HS6ST3: variants seen among roughly 807,000 people sequenced by gnomAD.
HS6ST3 encodes heparan sulfate 6-O-sulfotransferase 3, also known as heparan-sulfate 6-O-sulfotransferase 3.
HS6ST3 carries 12 observed loss-of-function variants against 36.7 expected under a neutral mutation model. The ratio of observed to expected loss-of-function variants is 0.33; its 90% CI spans 0.21 to 0.53. The LOEUF (loss-of-function observed/expected upper bound fraction) is 0.53. Among genes scored for constraint, HS6ST3 ranks in the 20% least tolerant of loss-of-function variants. The probability of loss-of-function intolerance (pLI) is 0.95; values close to 1 mark genes in which losing one functional copy is unlikely to be tolerated. For missense variants in HS6ST3, 584 were observed against 640.9 expected (o/e 0.91, Z 0.96); for synonymous variants, 240 against 257.5 (o/e 0.93, Z 0.65).
At chr13:96,099,191 G>A (rs971413049) in intron 1 of HS6ST3, among the ~76,000 whole-genome samples, 1 of 152,106 alleles carries the variant, frequency 6.6e-6, no homozygotes, top group Non-Finnish European at 1.5e-5. Flanking sequence ...TGATCTGCCT[G>A]TCTGCCTCCC....
intron 1 of HS6ST3, among the ~76,000 whole-genome samples, chr13:96,438,519 T>C (rs957758094): frequency 6.6e-6 from 1 of 152,196 alleles, no homozygotes; most frequent in African/African-American, 2.4e-5. Flanking sequence ...GGCTCTTATT[T>C]GATCCACTGT....
intron 1 of HS6ST3, among the ~76,000 whole-genome samples, chr13:96,184,859 A>G (rs2054257971): frequency 6.6e-6 from 1 of 152,082 alleles, no homozygotes. Context: ...GGGGAATACA[A>G]ATTCCACGAG....
intron 1 of HS6ST3, among the ~76,000 whole-genome samples, chr13:96,362,160 A>C (rs1485165739): frequency 2.6e-5 from 4 of 152,218 alleles, no homozygotes; most frequent in African/African-American, 9.7e-5. Flanking sequence ...CATTCTGGTC[A>C]AGGAAGATTT....
chr13:96,812,946 A>G (rs1878348957), intron 1 of HS6ST3, among the ~76,000 whole-genome samples: 1 of 152,142 alleles, frequency 6.6e-6, no homozygotes, highest in African/African-American at 2.4e-5. Context: ...TCAGCTTCCT[A>G]TCATGAGAGC....
chr13:96,231,732 G>A (rs1253754757), intron 1 of HS6ST3, among the ~76,000 whole-genome samples: 1 of 152,154 alleles, frequency 6.6e-6, no homozygotes. Context: ...TAGCAAGAAA[G>A]TAGGACGTTT....
At chr13:96,284,068 C>T (rs923989767) in intron 1 of HS6ST3, among the ~76,000 whole-genome samples, 2 of 152,016 alleles carry the variant, frequency 1.3e-5, no homozygotes, top group South Asian at 4.2e-4. Context: ...ATGGAGATTC[C>T]GAAAAGAATT....
chr13:96,676,364 G>C (rs2056698875), intron 1 of HS6ST3, among the ~76,000 whole-genome samples: 2 of 152,078 alleles, frequency 1.3e-5, no homozygotes, highest in African/African-American at 4.8e-5. Context: ...AAGACATTAT[G>C]TAACCCCTAA....
At chr13:96,422,446 TC>T (rs1344040313) in intron 1 of HS6ST3, among the ~76,000 whole-genome samples, 1 of 152,190 alleles carries the variant, frequency 6.6e-6, no homozygotes, top group Non-Finnish European at 1.5e-5. Flanking sequence ...TGGTAGAAGA[TC>T]CTTGACACAA....
In HS6ST3 at chr13:96,369,055, C is replaced by G. The variant is rs2055276803; in HGVS notation, c.707+277486C>G. On this transcript the variant is annotated intron_variant, in intron 1 of 1. Transcript: ENST00000376705. ...GATTAAGTCTGTAAGAGAAAAATGGCATCTCACTGGTGTTGTGGGGGTGGG... is the reference window on the plus strand; with the variant it reads ...GATTAAGTCTGTAAGAGAAAAATGGGATCTCACTGGTGTTGTGGGGGTGGG... Among the ~76,000 whole-genome samples, 4 of 135,724 alleles carry G rather than the reference C, an allele frequency of 2.9e-5. No individual in the cohort carries two copies. The Admixed American group carries it at 3.1e-4, about 10-fold the overall frequency. 89.0% of individuals were successfully genotyped at this position (135,724 alleles called of 152,430 possible).
chr13:96,235,603 C>T (rs969658934), intron 1 of HS6ST3, among the ~76,000 whole-genome samples: 2 of 151,598 alleles, frequency 1.3e-5, no homozygotes, highest in Non-Finnish European at 2.9e-5. Context: ...TGTTTTTTTT[C>T]CTTGTCCTCT....
intron 1 of HS6ST3, among the ~76,000 whole-genome samples, chr13:96,426,507 A>G (rs2055587903): frequency 6.6e-6 from 1 of 152,314 alleles, no homozygotes; most frequent in Non-Finnish European, 1.5e-5. Context: ...ATTCCACTCA[A>G]AAGTAGGAAA....
chr13:96,734,808 C>T (rs1445361858), intron 1 of HS6ST3, among the ~76,000 whole-genome samples: 3 of 152,214 alleles, frequency 2.0e-5, no homozygotes, highest in Non-Finnish European at 2.9e-5. Context: ...ATTTGATTCT[C>T]TTCGCCAGAT....
chr13:96,744,508 A>G (rs917223536), intron 1 of HS6ST3, among the ~76,000 whole-genome samples: 5 of 152,096 alleles, frequency 3.3e-5, no homozygotes, highest in South Asian at 2.1e-4. Flanking sequence ...TTGCACTTGC[A>G]TGAGGGGGAG....
At chr13:96,311,495 C>T (rs2054940774) in intron 1 of HS6ST3, among the ~76,000 whole-genome samples, 1 of 152,148 alleles carries the variant, frequency 6.6e-6, no homozygotes, top group Non-Finnish European at 1.5e-5. Context: ...AAAGGGGCCA[C>T]CTGTCCCCTT....
chr13:96,792,262 G>A (rs1469636510), intron 1 of HS6ST3, among the ~76,000 whole-genome samples: 2 of 152,038 alleles, frequency 1.3e-5, no homozygotes, highest in African/African-American at 4.8e-5. Context: ...ACACACTTGA[G>A]CTGAATAATG....
intron 1 of HS6ST3, among the ~76,000 whole-genome samples, chr13:96,173,500 G>T (rs891673330): frequency 9.9e-4 from 150 of 152,102 alleles, no homozygotes; most frequent in Non-Finnish European, 4.4e-5. Context: ...AGAAAGATCA[G>T]TCTCATTTAC....
chr13:96,636,342 G>C (rs934277213), intron 1 of HS6ST3, among the ~76,000 whole-genome samples: 18 of 152,154 alleles, frequency 1.2e-4, no homozygotes, highest in African/African-American at 4.1e-4. Context: ...GCTGATAAGA[G>C]AACTAAATAG....
At chr13:96,487,510 C>T (rs974677214) in intron 1 of HS6ST3, among the ~76,000 whole-genome samples, 1 of 152,082 alleles carries the variant, frequency 6.6e-6, no homozygotes, top group African/African-American at 2.4e-5. Context: ...TCCACAGGGA[C>T]TAATATTTAT....
intron 1 of HS6ST3, among the ~76,000 whole-genome samples, chr13:96,784,645 A>G (rs1200536026): frequency 6.6e-6 from 1 of 152,172 alleles, no homozygotes; most frequent in African/African-American, 2.4e-5. Context: ...GCTCTTATAT[A>G]TTATCCTCAA....
Sources: allele counts gnomAD v4.1 joint callset (sites outside exome capture counted in the v4.1 genomes callset), GRCh38; gene constraint gnomAD v4.1.1; transcripts MANE v1.5; gene names NCBI Gene and HGNC (gene_info 2026-07-23, HGNC 2026-07-21).